NEB: variants seen among roughly 807,000 people sequenced by gnomAD.
The protein encoded by NEB is nebulin.
A neutral mutation model predicts 952.2 loss-of-function variants in NEB; 512 were observed. The ratio of observed to expected loss-of-function variants is 0.54; its 90% CI spans 0.50 to 0.58. The LOEUF is 0.58. NEB is among the 20% of genes least tolerant of loss of function. The pLI is 0.00. For missense variants in NEB, 8,428 were observed against 9,231.1 expected, an observed-to-expected ratio of 0.91 and a Z score of 3.56; for synonymous variants, 2,900 against 3,149.8, an observed-to-expected ratio of 0.92 and a Z score of 2.66.
Position 151,562,617 on chromosome 2 carries a change from C to G in NEB, c.18885G>C (p.Leu6295Phe). 4 of 1,570,616 alleles carry G rather than the reference C, an allele frequency of 2.5e-6. No individual in the cohort carries two copies. Among genetic ancestry groups the G allele is most frequent in the Non-Finnish European group, 3.5e-6 (4 of 1,150,056 alleles). ...TGCAGAAGGGACATCATACATCACT[C>G]AAGATCTCCTGGGCGTTTCGGACGC... ...VIRVRNAQEILSDNVYKDDLN... is the reference protein window; with the variant it reads ...VIRVRNAQEIFSDNVYKDDLN... The change falls in exon 120 of 182, where the codon TTG becomes TTC. Residue 6295 changes from leucine to phenylalanine, a missense_variant. Physicochemically the swap from Leu to Phe is conservative, Grantham distance 22. Transcript: ENST00000397345.
intron 48 of NEB, among the ~76,000 whole-genome samples, chr2:151,656,889 G>A (rs533439732): frequency 4.0e-4 from 60 of 151,884 alleles, no homozygotes; most frequent in African/African-American, 1.4e-3. Context: ...TCTTAATGCT[G>A]CCCTGAGAAA....
chr2:151,508,543 T>C (rs914486741), intron 161 of NEB, among the ~76,000 whole-genome samples: 4 of 152,228 alleles, frequency 2.6e-5, no homozygotes, highest in African/African-American at 7.2e-5. Flanking sequence ...ACATGACCTC[T>C]AGAAAGCCTT....
chr2:151,524,491 G>A, intron 152 of NEB, 24 bp downstream of exon 152: 1 of 1,613,278 alleles, frequency 6.2e-7, no homozygotes, highest in East Asian at 2.2e-5. Flanking sequence ...TTGGGGACTG[G>A]GGACATTTTC....
chr2:151,545,246 A>C (rs2094532533), intron 135 of NEB, among the ~76,000 whole-genome samples: 1 of 152,220 alleles, frequency 6.6e-6, no homozygotes, highest in Non-Finnish European at 1.5e-5. Flanking sequence ...GAAAATTTTG[A>C]AATAAGTTTA....
At chr2:151,656,486 T>G (rs1183259463) in intron 48 of NEB, 22 bp from the exon 49 acceptor site, 4 of 1,526,074 alleles carry the variant, frequency 2.6e-6, no homozygotes, top group Non-Finnish European at 2.7e-6. Flanking sequence ...ATATGAGTTT[T>G]TACACAGAGC....
rs1226052166 is a variant in NEB, at chr2:151,540,463, CAGA to C, written c.20788-18_20788-16del. 1 of 1,529,004 alleles carries C rather than the reference CAGA, an allele frequency of 6.5e-7. No individual in the cohort carries two copies. The highest frequency in any genetic ancestry group is 2.0e-5 in the Admixed American group (1 of 50,964). 94.7% of individuals were successfully genotyped at this position (1,529,004 alleles called of 1,614,324 possible). ...TTGTACTTTTTCTGAGAAATAAATG[CAGA>C]AGAGAGAGACAAGCTTAAGTGTCTT... On this transcript the variant is annotated splice_polypyrimidine_tract_variant and intron_variant, in intron 137 of 181. Transcript: ENST00000397345.
At chr2:151,494,632 T>TG (rs1478016782) in intron 173 of NEB, among the ~76,000 whole-genome samples, 1 of 151,550 alleles carries the variant, frequency 6.6e-6, no homozygotes, top group African/African-American at 2.4e-5. Context: ...ATCAGCTGTT[T>TG]GTTTTTTTTT....
At chr2:151,698,763 G>A (rs1209781967) in intron 13 of NEB, among the ~76,000 whole-genome samples, 16 of 150,502 alleles carry the variant, frequency 1.1e-4, no homozygotes, top group East Asian at 1.9e-4. Context: ...TCAGCCTCCC[G>A]AGTAGCTGGG....
At chr2:151,512,961 C>A in intron 160 of NEB, 124 bp from the exon 161 acceptor site, 1 of 672,930 alleles carries the variant, frequency 1.5e-6, no homozygotes, top group Non-Finnish European at 2.6e-6. Flanking sequence ...TGACATTCAA[C>A]AGATATTTCT....
At chr2:151,610,391 T>C (rs1332476148) in intron 80 of NEB, 125 bp downstream of exon 80, 2 of 776,166 alleles carry the variant, frequency 2.6e-6, no homozygotes, top group Non-Finnish European at 4.3e-6. Context: ...GGAATGGTCT[T>C]GAGAGGTAGG....
rs1399178493 is a variant in NEB, at chr2:151,656,416, A to C, written c.6232T>G (p.Phe2078Val). 6.2e-7 allele frequency: 1 copy of C among 1,613,336 alleles called. No homozygotes were observed. The highest frequency in any genetic ancestry group is 2.2e-5 in the East Asian group (1 of 44,884). ...TTGGGATCATCCTCGAGACTGCGGA[A>C]ACCAACCATTTTCCCCTTCCCTTTT... ...YEKGKGKMVGFRSLEDDPKLV... is the reference protein window; with the variant it reads ...YEKGKGKMVGVRSLEDDPKLV... Residue 2078 changes from phenylalanine (F) to valine (V), a missense_variant, in exon 49 of 182, where the codon TTC becomes GTC. Phe to Val is a conservative substitution (Grantham distance 50, BLOSUM62 -1). Coordinates refer to ENST00000397345, the MANE Select transcript of NEB (RefSeq NM_001164508.2).
intron 63 of NEB, among the ~76,000 whole-genome samples, chr2:151,636,694 T>A (rs541576803): frequency 6.6e-6 from 1 of 152,100 alleles, no homozygotes; most frequent in South Asian, 2.1e-4. Flanking sequence ...GGCAGGAGAA[T>A]TACTTGAACC....
intron 63 of NEB, among the ~76,000 whole-genome samples, chr2:151,638,624 A>AC (rs1249732923): frequency 6.6e-6 from 1 of 152,168 alleles, no homozygotes; most frequent in Non-Finnish European, 1.5e-5. Flanking sequence ...GTCACTGGGA[A>AC]CCCTTAAGCA....
rs768906941 is a variant in NEB at position 151,492,494 on chromosome 2, C to G, written c.24766G>C (p.Val8256Leu). ...AKRNQENISS[V>L]LYSDSFRKQI... ...TTCCGGAAACTATCAGAATAAAGAACCTGATGCAGGAGAGACCGTGAATGA... is the reference window on the plus strand; with the variant it reads ...TTCCGGAAACTATCAGAATAAAGAAGCTGATGCAGGAGAGACCGTGAATGA... The change falls in exon 177 of 182, where the codon GTT becomes CTT. Residue 8256 changes from valine to leucine, a missense_variant and splice_region_variant. Val to Leu is a conservative substitution (Grantham distance 32). This residue lies in a region of NEB where 3,374 missense variants were observed against 3,651.5 expected (regional missense o/e 0.92). Coordinates refer to ENST00000397345, the MANE Select transcript of NEB (RefSeq NM_001164508.2). 1 of 1,606,344 alleles carries G rather than the reference C, an allele frequency of 6.2e-7. No homozygotes were observed. The highest frequency in any genetic ancestry group is 8.5e-7 in the Non-Finnish European group (1 of 1,173,552).
rs1577890764 is a variant in NEB, at chr2:151,567,337, GT to G, written c.17986del (p.Thr5996GlnfsTer81). ...AGCAGGTATATTGATTTTGGCCTTT[GT>G]TTTGTGATAGTCCTCTTTGTATAGT... ...ERLYKEDYHKTKAKINIPADM... is the reference protein window; with the variant it reads ...ERLYKEDYHKXKAKINIPADM... On this transcript the variant is annotated frameshift_variant, in exon 114 of 182. Transcript: ENST00000397345. LOFTEE classifies it high-confidence loss of function. 6.2e-7 allele frequency: 1 copy of G among 1,613,886 alleles called. No homozygotes were observed. Among genetic ancestry groups the G allele is most frequent in the East Asian group, 2.2e-5 (1 of 44,862 alleles).
intron 18 of NEB, 104 bp from the exon 19 acceptor site, chr2:151,694,733 T>C: frequency 1.2e-6 from 1 of 847,944 alleles, no homozygotes; most frequent in Non-Finnish European, 1.9e-6. Flanking sequence ...ATAAAATAAA[T>C]GGGCCCTTTT....
At chr2:151,647,648 G>A (rs1008908967) in intron 54 of NEB, among the ~76,000 whole-genome samples, 6 of 152,162 alleles carry the variant, frequency 3.9e-5, no homozygotes, top group Non-Finnish European at 7.3e-5. Flanking sequence ...GATAATCTGA[G>A]TCTATCACAG....
chr2:151,488,369 G>A (rs1054405220), intron 181 of NEB, among the ~76,000 whole-genome samples: 11 of 151,648 alleles, frequency 7.3e-5, no homozygotes, highest in Admixed American at 2.0e-4. Context: ...AATTGTGGCC[G>A]GGCTGAGTGG....
At position 151,506,145 on chromosome 2, in the gene NEB, G is replaced by T. The variant is rs551832094; in HGVS notation, c.23649+21C>A. 1.6e-5 allele frequency: 25 copies of T among 1,566,984 alleles called. No homozygotes were observed. The South Asian group carries it at 2.8e-4, about 17-fold the overall frequency. ...CAAAGGGAGGCAGAAAATATTGCAA[G>T]TGCATTCACTGTGTCTTTACCGAGC... On this transcript the variant is annotated intron_variant, in intron 164 of 181. Coordinates refer to ENST00000397345, the MANE Select transcript of NEB (RefSeq NM_001164508.2).
Sources: allele counts gnomAD v4.1 joint callset (sites outside exome capture counted in the v4.1 genomes callset), GRCh38; gene constraint gnomAD v4.1.1; regional missense constraint gnomAD v4.1.1; transcripts MANE v1.5; gene names NCBI Gene and HGNC (gene_info 2026-07-23, HGNC 2026-07-21).